The following LYN variants were observed in gnomAD, a reference collection of about 807,000 sequenced individuals.
The protein encoded by LYN is LYN proto-oncogene, Src family tyrosine kinase.
Under a neutral mutation model 65.0 loss-of-function variants are expected in LYN, and 12 were observed. The observed-to-expected ratio is 0.18, with a 90% CI of 0.12 to 0.30. The LOEUF (loss-of-function observed/expected upper bound fraction) is 0.30, where lower values mean the gene tolerates loss of function less well. Ranked by LOEUF, LYN falls within the 10% of genes least tolerant of loss-of-function variation. LYN has a pLI of 1.00. For missense variants in LYN, 380 were observed against 623.2 expected (o/e 0.61, Z 4.16); for synonymous variants, 222 against 221.2 (o/e 1.00, Z -0.03).
intron 1 of LYN, among the ~76,000 whole-genome samples, chr8:55,938,185 A>G (rs1179613020): frequency 6.6e-6 from 1 of 152,142 alleles, no homozygotes; most frequent in African/African-American, 2.4e-5. Context: ...CATTTTCTGG[A>G]TGGGTCAGTG....
At chr8:55,973,136 C>T (rs1807657265) in intron 10 of LYN, among the ~76,000 whole-genome samples, 1 of 152,188 alleles carries the variant, frequency 6.6e-6, no homozygotes, top group African/African-American at 2.4e-5. Flanking sequence ...CTTCTTCCCG[C>T]TCCCCACTAC....
chr8:55,898,204 G>T (rs115595045), intron 1 of LYN, among the ~76,000 whole-genome samples: 293 of 152,042 alleles, frequency 1.9e-3, no homozygotes, highest in African/African-American at 6.5e-3. Context: ...TGTCCCCATT[G>T]TTTTGTGTTT....
chr8:55,902,534 A>T, intron 1 of LYN, among the ~76,000 whole-genome samples: 1 of 151,532 alleles, frequency 6.6e-6, no homozygotes, highest in East Asian at 1.9e-4. Context: ...AAGTACACTT[A>T]TATTTTGACA....
chr8:55,949,946 C>T (rs956557071), intron 4 of LYN, among the ~76,000 whole-genome samples: 1 of 152,156 alleles, frequency 6.6e-6, no homozygotes, highest in South Asian at 2.1e-4. Flanking sequence ...CTCTGCAGCC[C>T]TAGGAAACCA....
At chr8:55,915,491 G>T (rs569086928) in intron 1 of LYN, among the ~76,000 whole-genome samples, 1 of 152,220 alleles carries the variant, frequency 6.6e-6, no homozygotes, top group South Asian at 2.1e-4. Flanking sequence ...GATCACCTGA[G>T]GTCAGGAGTT....
At chr8:55,901,032 G>A (rs749970445) in intron 1 of LYN, among the ~76,000 whole-genome samples, 6 of 152,072 alleles carry the variant, frequency 3.9e-5, no homozygotes, top group Non-Finnish European at 8.8e-5. Context: ...TTGCAGCAGT[G>A]CCTCTATGAT....
chr8:55,916,017 G>A (rs1043183296), intron 1 of LYN, among the ~76,000 whole-genome samples: 2 of 152,150 alleles, frequency 1.3e-5, no homozygotes, highest in Non-Finnish European at 2.9e-5. Context: ...GGTAGCCATT[G>A]TTTTAAAAGC....
intron 1 of LYN, among the ~76,000 whole-genome samples, chr8:55,890,253 A>C (rs1804919887): frequency 6.6e-6 from 1 of 152,136 alleles, no homozygotes; most frequent in Non-Finnish European, 1.5e-5. Flanking sequence ...TTGAGGCTGC[A>C]GTGAGCAATG....
At chr8:55,951,686 A>G (rs1806954670) in intron 6 of LYN, among the ~76,000 whole-genome samples, 1 of 151,980 alleles carries the variant, frequency 6.6e-6, no homozygotes, top group Non-Finnish European at 1.5e-5. Context: ...AAAGAAAATC[A>G]AAGTAACTTA....
chr8:56,007,948 G>A (rs903362634), intron 12 of LYN, among the ~76,000 whole-genome samples: 15 of 151,796 alleles, frequency 9.9e-5, no homozygotes, highest in Non-Finnish European at 8.8e-5. Context: ...GTGAAACCCC[G>A]TCTCTACTAA....
chr8:55,951,955 T>C lies in LYN; in HGVS notation c.488-11T>C. 6.2e-7 allele frequency: 1 copy of C among 1,608,026 alleles called. No homozygotes were observed. On this transcript the variant is annotated splice_polypyrimidine_tract_variant and intron_variant, in intron 6 of 12. Transcript: ENST00000519728. Reference sequence around the variant, plus strand: ...AGATATAAACATTTACTTACACTTTTCCCCCCATAGGAAGCTTCTCTCTGT... The same window carrying C: ...AGATATAAACATTTACTTACACTTTCCCCCCCATAGGAAGCTTCTCTCTGT...
At chr8:55,953,791 G>C in intron 7 of LYN, 41 bp from the exon 8 acceptor site, 4 of 1,603,356 alleles carry the variant, frequency 2.5e-6, no homozygotes, top group Non-Finnish European at 3.4e-6. Context: ...AAAGTACAAA[G>C]TATTGCATTT....
Position 55,927,265 on chromosome 8 carries a change from C to T in LYN, c.-5-14590C>T, listed in dbSNP as rs150536509. Among the ~76,000 whole-genome samples the T allele has an allele frequency of 1.6e-4, 24 of 152,236 alleles. No individual in the cohort carries two copies. In the East Asian group the frequency reaches 3.9e-3, roughly 24 times the overall value. ...ATGTTTATTCCTCTATTCCCGAAAC[C>T]TCTGGCAACCACTGATCTTTTTAGT... On this transcript the variant is annotated intron_variant, in intron 1 of 12. Coordinates refer to ENST00000519728, the MANE Select transcript of LYN (RefSeq NM_002350.4).
intron 3 of LYN, 85 bp from the exon 4 acceptor site, chr8:55,947,533 C>T (rs1369513384): frequency 1.1e-6 from 1 of 936,420 alleles, no homozygotes; most frequent in African/African-American, 1.6e-5. Context: ...CTTAGTGCTT[C>T]CTCTCATCCT....
chr8:55,932,949 C>T (rs1458305200), intron 1 of LYN, among the ~76,000 whole-genome samples: 2 of 152,106 alleles, frequency 1.3e-5, no homozygotes, highest in South Asian at 2.1e-4. Flanking sequence ...GCAATAGACA[C>T]GGGAGACTAC....
intron 1 of LYN, among the ~76,000 whole-genome samples, chr8:55,916,183 A>G (rs1661477666): frequency 6.6e-6 from 1 of 152,132 alleles, no homozygotes; most frequent in African/African-American, 2.4e-5. Context: ...TGAGATGATC[A>G]TTGGCTAAAA....
At chr8:55,902,728 T>G in intron 1 of LYN, 1 of 492,724 alleles carries the variant, frequency 2.0e-6, no homozygotes, top group South Asian at 1.5e-5. Flanking sequence ...TGGCAAAATG[T>G]TACAGGTCTC....
intron 2 of LYN, among the ~76,000 whole-genome samples, chr8:55,944,636 A>G (rs1806725314): frequency 6.6e-6 from 1 of 152,102 alleles, no homozygotes; most frequent in South Asian, 2.1e-4. Context: ...ATGCACCACC[A>G]TGCCTGGCTA....
chr8:55,905,669 C>T (rs1805399797), intron 1 of LYN, among the ~76,000 whole-genome samples: 1 of 152,076 alleles, frequency 6.6e-6, no homozygotes, highest in South Asian at 2.1e-4. Context: ...TCCTAGTCAC[C>T]CCCAAACACT....
Sources: gnomAD v4.1 joint callset for allele counts (sites outside exome capture counted in the v4.1 genomes callset) on GRCh38, gnomAD v4.1.1 for gene constraint, MANE v1.5 for transcripts, NCBI Gene and HGNC (gene_info 2026-07-23, HGNC 2026-07-21) for gene names.